Variants in G3BP2 observed in about 807,000 individuals in gnomAD.
G3BP2 encodes ras GTPase-activating protein-binding protein 2.
Under a neutral mutation model 56.7 loss-of-function variants are expected in G3BP2, and 11 were observed. The ratio of observed to expected loss-of-function variants is 0.19; its 90% CI spans 0.12 to 0.32. The LOEUF (loss-of-function observed/expected upper bound fraction) is 0.32, where lower values mean the gene tolerates loss of function less well. G3BP2 is among the 10% of genes least tolerant of loss of function. The probability of loss-of-function intolerance (pLI) is 1.00; values close to 1 mark genes in which losing one functional copy is unlikely to be tolerated. For synonymous variants in G3BP2, 165 were observed against 191.6 expected (o/e 0.86, Z 1.15); for missense variants, 340 against 610.9 (o/e 0.56, Z 4.67).
intron 1 of G3BP2, among the ~76,000 whole-genome samples, chr4:75,671,610 T>C (rs1183065142): frequency 6.6e-6 from 1 of 152,248 alleles, no homozygotes; most frequent in East Asian, 1.9e-4. Context: ...CGACCCTGAA[T>C]ATCAATCTGA....
intron 3 of G3BP2, among the ~76,000 whole-genome samples, chr4:75,682,349 GA>G (rs1289932007): frequency 2.7e-5 from 4 of 150,942 alleles, no homozygotes; most frequent in African/African-American, 9.8e-5. Context: ...CAGGGAGGCA[GA>G]GGTTGCAGTG....
At chr4:75,686,385 G>A (rs542788158) in intron 3 of G3BP2, among the ~76,000 whole-genome samples, 96 of 152,236 alleles carry the variant, frequency 6.3e-4, no homozygotes, top group African/African-American at 2.3e-3. Context: ...ACAGGGTACA[G>A]TGAGAACAGA....
At chr4:75,709,921 A>T (rs1306979243) in intron 3 of G3BP2, among the ~76,000 whole-genome samples, 2 of 152,090 alleles carry the variant, frequency 1.3e-5, no homozygotes, top group Non-Finnish European at 2.9e-5. Context: ...CTGGGTCCTC[A>T]CTTGGGTAAG....
At chr4:75,646,100 T>C (rs1159897051) in intron 11 of G3BP2, among the ~76,000 whole-genome samples, 1 of 152,212 alleles carries the variant, frequency 6.6e-6, no homozygotes, top group Non-Finnish European at 1.5e-5. Context: ...TGAGCCACTA[T>C]ACCCAGCCAA....
At chr4:75,667,595 G>GT (rs1733154139) in intron 1 of G3BP2, among the ~76,000 whole-genome samples, 1 of 152,036 alleles carries the variant, frequency 6.6e-6, no homozygotes, top group African/African-American at 2.4e-5. Flanking sequence ...CTTGTCAAAT[G>GT]AAAACATTAT....
chr4:75,723,181 C>T (rs1426314539), intron 1 of G3BP2, among the ~76,000 whole-genome samples: 1 of 152,014 alleles, frequency 6.6e-6, no homozygotes, highest in Non-Finnish European at 1.5e-5. Flanking sequence ...AGAAAAATGC[C>T]CAGAGTATGT....
rs560239128 is a variant in G3BP2 at position 75,667,506 on chromosome 4, A to G, written c.-24-5457T>C. Among the ~76,000 whole-genome samples the G allele has an allele frequency of 1.3e-4, 20 of 152,310 alleles. 1 individual carries two copies. The highest frequency in any genetic ancestry group is 1.2e-3 in the Admixed American group (19 of 15,302). On this transcript the variant is annotated intron_variant, in intron 1 of 11. Coordinates refer to ENST00000359707, the MANE Select transcript of G3BP2 (RefSeq NM_203505.3). Reference sequence around the variant, plus strand: ...GAAAATGTGAAGAATCTCACACAGGAATGCACAGTGTAAAATTTTATCTGA... The same window carrying G: ...GAAAATGTGAAGAATCTCACACAGGGATGCACAGTGTAAAATTTTATCTGA...
intron 2 of G3BP2, 36 bp downstream of exon 2, chr4:75,661,895 T>G (rs746600690): frequency 1.9e-6 from 2 of 1,063,512 alleles, no homozygotes; most frequent in Non-Finnish European, 2.9e-6. Context: ...AGAAAAAAAG[T>G]AGATAAAAAT....
rs1481845952 is a variant in G3BP2, at chr4:75,719,011, G to A, written c.-25+1866C>T. ...GACTTCTCAGTAACATGAGCTAGTAGGGCTGGAGTTGAAGACTTACAGGGT... is the reference window on the plus strand; with the variant it reads ...GACTTCTCAGTAACATGAGCTAGTAAGGCTGGAGTTGAAGACTTACAGGGT... On this transcript the variant is annotated intron_variant, in intron 3 of 3. Transcript: ENST00000499709. Among the ~76,000 whole-genome samples, 3 of 152,196 alleles carry A rather than the reference G, an allele frequency of 2.0e-5. No individual in the cohort carries two copies. In the East Asian group the frequency reaches 5.8e-4, roughly 29 times the overall value.
At chr4:75,659,958 A>T (rs1356457345) in intron 2 of G3BP2, among the ~76,000 whole-genome samples, 2 of 152,238 alleles carry the variant, frequency 1.3e-5, no homozygotes, top group East Asian at 3.8e-4. Context: ...TGATGCATTA[A>T]TTCTTCCAGG....
Position 75,644,796 on chromosome 4 carries a change from G to C in G3BP2, c.*634C>G, listed in dbSNP as rs1578371619. 6.6e-6 allele frequency: 1 copy of C among 152,660 alleles called. No individual in the cohort carries two copies. The highest frequency in any genetic ancestry group is 1.5e-5 in the Non-Finnish European group (1 of 68,062). 9.5% of individuals were successfully genotyped at this position (152,660 alleles called of 1,614,324 possible). On this transcript the variant is annotated 3_prime_UTR_variant, in exon 12 of 12. Transcript: ENST00000359707. ...GATTTCCTTCTGGAATATACTTGTA[G>C]TCTTGTTAAGGTTTATGTGTACACA...
intron 3 of G3BP2, among the ~76,000 whole-genome samples, chr4:75,718,242 T>C (rs1051956561): frequency 7.9e-5 from 12 of 151,066 alleles, no homozygotes; most frequent in Non-Finnish European, 1.6e-4. Flanking sequence ...TTCTTTCTTT[T>C]TTTTTTTTAG....
chr4:75,673,674 C>G (rs1578416595), upstream of G3BP2: 1 of 1,202,734 alleles, frequency 8.3e-7, no homozygotes, highest in Non-Finnish European at 1.0e-6. Context: ...TCTCCGGTCC[C>G]GAGGCTCCAG....
chr4:75,709,419 C>CAAAAA (rs34603185), intron 3 of G3BP2, among the ~76,000 whole-genome samples: 54 of 47,176 alleles, frequency 1.1e-3, no homozygotes, highest in Admixed American at 2.3e-3. Flanking sequence ...GACTCCGTCT[C>CAAAAA]AAAAAAAAAA....
intron 9 of G3BP2, 93 bp from the exon 10 acceptor site, chr4:75,647,250 C>T: frequency 1.2e-6 from 1 of 823,158 alleles, no homozygotes; most frequent in South Asian, 2.1e-5. Flanking sequence ...TATTGATATT[C>T]CTGTTTTAGT....
At chr4:75,714,111 A>C (rs1236442665) in intron 3 of G3BP2, among the ~76,000 whole-genome samples, 1 of 152,238 alleles carries the variant, frequency 6.6e-6, no homozygotes, top group Non-Finnish European at 1.5e-5. Context: ...CTTTTTCCCC[A>C]AAAAGGAAAT....
At chr4:75,658,492 A>T (rs977217622) in intron 3 of G3BP2, among the ~76,000 whole-genome samples, 2 of 151,562 alleles carry the variant, frequency 1.3e-5, no homozygotes, top group African/African-American at 4.8e-5. Flanking sequence ...GCACTTTGGG[A>T]GGCTGAGGCG....
chr4:75,653,280 T>C (rs1304390395), intron 8 of G3BP2, among the ~76,000 whole-genome samples: 1 of 152,150 alleles, frequency 6.6e-6, no homozygotes, highest in East Asian at 1.9e-4. Flanking sequence ...GGAATGAAGT[T>C]TAATGCAAAA....
upstream of G3BP2, among the ~76,000 whole-genome samples, chr4:75,678,276 T>G (rs1733949339): frequency 6.6e-6 from 1 of 151,236 alleles, no homozygotes; most frequent in African/African-American, 2.4e-5. Context: ...GGACCACAGG[T>G]GTGCACTACC....
Sources: allele counts gnomAD v4.1 joint callset (sites outside exome capture counted in the v4.1 genomes callset), GRCh38; gene constraint gnomAD v4.1.1; transcripts MANE v1.5; gene names NCBI Gene and HGNC (gene_info 2026-07-23, HGNC 2026-07-21).